Variants in FAM83A observed in about 807,000 individuals in gnomAD.
FAM83A encodes the protein protein FAM83A.
Under a neutral mutation model 24.4 loss-of-function variants are expected in FAM83A, and 21 were observed. The observed-to-expected ratio is 0.86, with a 90% confidence interval of 0.61 to 1.24. The LOEUF is 1.24. Among genes scored for constraint, FAM83A ranks in the 50% most tolerant of loss-of-function variants. FAM83A has a pLI of 0.00. For synonymous variants in FAM83A, 270 were observed against 252.4 expected, an observed-to-expected ratio of 1.07 and a Z score of -0.66; for missense variants, 617 against 579.8, an observed-to-expected ratio of 1.06 and a Z score of -0.66.
intron 1 of FAM83A, among the ~76,000 whole-genome samples, chr8:123,188,285 A>C (rs1375511909): frequency 6.6e-6 from 1 of 151,812 alleles, no homozygotes; most frequent in Non-Finnish European, 1.5e-5. Context: ...TATCTCTCAT[A>C]AGGACATGTA....
rs1169763582 is a variant in FAM83A at position 123,207,991 on chromosome 8, T to A, written c.*303T>A. On this transcript the variant is annotated 3_prime_UTR_variant, in exon 4 of 4. Transcript: ENST00000690554. ...TGTCTTCCAGAGATCATCCGGGGCT[T>A]TAATATTAATGGCCCCCAAAACTCC... 2.5e-6 allele frequency: 3 copies of A among 1,182,318 alleles called. No individual in the cohort carries two copies. In the East Asian group the frequency reaches 1.1e-4, roughly 44 times the overall value. The allele number at this position is 1,182,318 out of a possible 1,614,324, so 73.2% of individuals were successfully genotyped here. A position where few individuals can be genotyped will look rare whatever the true frequency, so the allele number is the denominator to read the frequency against.
In FAM83A at chr8:123,209,679, C is replaced by T. The variant is rs530108392; in HGVS notation, c.*1991C>T. 7.6e-5 allele frequency: 77 copies of T among 1,019,548 alleles called. No homozygotes were observed. The highest frequency in any genetic ancestry group is 3.4e-4 in the African/African-American group (21 of 62,606). 63.2% of individuals were successfully genotyped at this position (1,019,548 alleles called of 1,614,324 possible). ...CAAAGGCCTCAGCCTGTGCCTGTGT[C>T]GAGCTCAGTCCTGGGAGATAGGGGA... is the stretch of plus-strand genomic sequence containing the variant. On this transcript the variant is annotated 3_prime_UTR_variant, in exon 4 of 4. Transcript: ENST00000690554. The surrounding 1 kb of genome is among the most constrained non-coding windows in gnomAD (Gnocchi z 4.7).
At chr8:123,192,474 T>C (rs1331208708) in intron 2 of FAM83A, among the ~76,000 whole-genome samples, 1 of 152,206 alleles carries the variant, frequency 6.6e-6, no homozygotes, top group African/African-American at 2.4e-5. Context: ...TGGACTTAAC[T>C]GAACCCCGTA....
chr8:123,183,957 A>G (rs1648528159), intron 1 of FAM83A, among the ~76,000 whole-genome samples: 1 of 151,982 alleles, frequency 6.6e-6, no homozygotes, highest in Non-Finnish European at 1.5e-5. Context: ...CAGCCTCCCA[A>G]AATGCTGGGA....
intron 3 of FAM83A, among the ~76,000 whole-genome samples, chr8:123,194,781 C>T (rs570755468): frequency 1.1e-4 from 17 of 152,288 alleles, no homozygotes; most frequent in African/African-American, 4.1e-4. Flanking sequence ...CTGCACCCAG[C>T]CCCGTTTTAT....
At position 123,209,623 on chromosome 8, in the gene FAM83A, C is replaced by T. The variant is rs1824672223; in HGVS notation, c.*1935C>T. The T allele has an allele frequency of 3.9e-6, 6 of 1,526,218 alleles. No individual in the cohort carries two copies. Among genetic ancestry groups the T allele is most frequent in the Non-Finnish European group, 5.4e-6 (6 of 1,114,108 alleles). The allele number at this position is 1,526,218 out of a possible 1,614,324, so 94.5% of individuals were successfully genotyped here. Reference sequence around the variant, plus strand: ...AAAGTTTAAGGAAGGCAAAGCTTGCCAGGTCACAGAAGCTCCCAAGCCCAG... The same window carrying T: ...AAAGTTTAAGGAAGGCAAAGCTTGCTAGGTCACAGAAGCTCCCAAGCCCAG... On this transcript the variant is annotated 3_prime_UTR_variant, in exon 4 of 4. Coordinates refer to ENST00000690554, the Ensembl canonical transcript of FAM83A. This position sits in a 1 kb window ranked among gnomAD's most constrained non-coding sequence, Gnocchi z 4.7.
chr8:123,194,690 GC>G (rs1824089491), intron 3 of FAM83A, among the ~76,000 whole-genome samples: 1 of 152,166 alleles, frequency 6.6e-6, no homozygotes, highest in South Asian at 2.1e-4. Flanking sequence ...CATCATGTTG[GC>G]CAGGCTGGTC....
rs764194049 is a variant in FAM83A at position 123,183,065 on chromosome 8, A to G, written c.209A>G (p.Tyr70Cys). 2.5e-6 allele frequency: 4 copies of G among 1,613,444 alleles called. No homozygotes were observed. In the Admixed American group the frequency reaches 6.7e-5, roughly 27 times the overall value. ...TTCTTGTCCTCGGTGGAGGCCCAGT[A>G]CATCCAGGCCCAGGCCAGGGAGCCC... Residue 70 changes from tyrosine (Y) to cysteine (C), a missense_variant, in exon 1 of 4, where the codon TAC becomes TGC. Physicochemically the swap from Tyr to Cys is radical, Grantham distance 194. Transcript: ENST00000690554.
At position 123,207,598 on chromosome 8, in the gene FAM83A, GC is replaced by G; in HGVS notation, c.1218del (p.Thr407ArgfsTer14). On this transcript the variant is annotated frameshift_variant, in exon 4 of 4. Transcript: ENST00000690554. LOFTEE classifies it high-confidence loss of function. ...TCTACAGCAACCTGGGGGCCTACAG[GC>G]CCACGCGGCTGCAGCTGGAGCAGCT... 1 of 1,568,426 alleles carries G rather than the reference GC, an allele frequency of 6.4e-7. No homozygotes were observed.
rs561900477 is a variant in FAM83A, at chr8:123,198,927, C to T, written c.773+4779C>T. On this transcript the variant is annotated intron_variant, in intron 3 of 3. Coordinates refer to ENST00000690554, the Ensembl canonical transcript of FAM83A. ...AATTGTCTTGTATATTTAGTAGAGA[C>T]GGGGGTTTCACTGTGTTGGCCAGGC... Among the ~76,000 whole-genome samples the T allele has an allele frequency of 7.2e-5, 11 of 152,070 alleles. No homozygotes were observed. In the South Asian group the frequency reaches 8.3e-4, roughly 11 times the overall value.
In FAM83A at chr8:123,194,004, C is replaced by T. The variant is rs752187874; in HGVS notation, c.649-20C>T. Reference sequence around the variant, plus strand: ...TATAAACAGAATTAGGAAGTGACACCTTGACTTTCCCTCCAACAGAACATT... The same window carrying T: ...TATAAACAGAATTAGGAAGTGACACTTTGACTTTCCCTCCAACAGAACATT... On this transcript the variant is annotated intron_variant, in intron 2 of 3. Transcript: ENST00000690554. 2.5e-6 allele frequency: 4 copies of T among 1,613,882 alleles called. No homozygotes were observed. Among genetic ancestry groups the T allele is most frequent in the Non-Finnish European group, 2.5e-6 (3 of 1,179,870 alleles).
chr8:123,197,280 T>C (rs1340820766), intron 3 of FAM83A, among the ~76,000 whole-genome samples: 2 of 152,322 alleles, frequency 1.3e-5, no homozygotes, highest in African/African-American at 4.8e-5. Flanking sequence ...AAAAAGAGAA[T>C]GTGGCTTAGG....
chr8:123,192,729 C>A, intron 2 of FAM83A: 1 of 152,640 alleles, frequency 6.6e-6, no homozygotes, highest in Non-Finnish European at 1.5e-5. Flanking sequence ...CCTCCCTTCC[C>A]CTCTGCACAG....
In FAM83A at chr8:123,209,568, A is replaced by G. The variant is rs200290565; in HGVS notation, c.*1880A>G. 6.2e-7 allele frequency: 1 copy of G among 1,613,078 alleles called. No homozygotes were observed. Among genetic ancestry groups the G allele is most frequent in the Non-Finnish European group, 8.5e-7 (1 of 1,179,206 alleles). ...TTAGAATGACTGGGCCCGGCTGAAC[A>G]TTCCAAATTGGATTTCACCATCTGC... On this transcript the variant is annotated 3_prime_UTR_variant, in exon 4 of 4. Transcript: ENST00000690554. This position sits in a 1 kb window ranked among gnomAD's most constrained non-coding sequence, Gnocchi z 4.7.
chr8:123,179,341 C>T (rs1261501770), upstream of FAM83A: 1 of 152,154 alleles, frequency 6.6e-6, no homozygotes, highest in African/African-American at 2.4e-5. Flanking sequence ...TCGGCCCCTT[C>T]CTTCTCTCTC....
At chr8:123,181,897 C>T (rs1371452160), upstream of FAM83A, 5 of 375,032 alleles carry the variant, frequency 1.3e-5, no homozygotes, top group African/African-American at 1.0e-4. Context: ...GCAGAGCCCA[C>T]CCAAAGAGAG....
chr8:123,205,529 C>A (rs1400869354), intron 3 of FAM83A, among the ~76,000 whole-genome samples: 2 of 152,296 alleles, frequency 1.3e-5, no homozygotes, highest in Non-Finnish European at 2.9e-5. Context: ...GCGGCCCCGC[C>A]CTGCCTCACA....
upstream of FAM83A, chr8:123,182,608 G>T (rs992745137): frequency 1.4e-6 from 1 of 691,566 alleles, no homozygotes; most frequent in Admixed American, 2.0e-5. Flanking sequence ...CAGCCCTCCC[G>T]GCCCGAGGGC....
At chr8:123,186,924 C>T (rs1179556568) in intron 1 of FAM83A, among the ~76,000 whole-genome samples, 4 of 152,186 alleles carry the variant, frequency 2.6e-5, no homozygotes, top group African/African-American at 4.8e-5. Context: ...CTCTGGGGAG[C>T]TCCCTGCCAA....
Sources: gnomAD v4.1 joint callset for allele counts (sites outside exome capture counted in the v4.1 genomes callset) on GRCh38, gnomAD v4.1.1 for gene constraint, Gnocchi (gnomAD v3.1) non-coding constraint, MANE v1.5 for transcripts, NCBI Gene and HGNC (gene_info 2026-07-23, HGNC 2026-07-21) for gene names.